Variants in CLSTN2 observed in about 807,000 individuals in gnomAD.
CLSTN2 encodes calsyntenin 2, also known as calsyntenin-2.
CLSTN2 carries 48 observed loss-of-function variants against 101.2 expected under a neutral mutation model. The ratio of observed to expected loss-of-function variants is 0.47; its 90% CI spans 0.38 to 0.60. The LOEUF (loss-of-function observed/expected upper bound fraction) is 0.60. Ranked by LOEUF, CLSTN2 falls within the 20% of genes least tolerant of loss-of-function variation. The probability of loss-of-function intolerance (pLI) is 0.00; values close to 1 mark genes in which losing one functional copy is unlikely to be tolerated. For missense variants in CLSTN2, 1,160 were observed against 1,238.2 expected (o/e 0.94, Z 0.95); for synonymous variants, 481 against 463.6 (o/e 1.04, Z -0.48).
chr3:140,472,183 T>G (rs952050575), intron 8 of CLSTN2, among the ~76,000 whole-genome samples: 3 of 152,156 alleles, frequency 2.0e-5, no homozygotes, highest in Admixed American at 6.5e-5. Context: ...GGTGGTGGTA[T>G]TCCTCCTTCT....
chr3:139,993,955 T>C (rs1022793400), intron 1 of CLSTN2, among the ~76,000 whole-genome samples: 1 of 152,200 alleles, frequency 6.6e-6, no homozygotes, highest in Non-Finnish European at 1.5e-5. Context: ...AGCTATTTTC[T>C]GGGAGCTGCC....
At chr3:140,210,209 G>T (rs772592611) in intron 2 of CLSTN2, among the ~76,000 whole-genome samples, 2 of 152,166 alleles carry the variant, frequency 1.3e-5, no homozygotes, top group Non-Finnish European at 2.9e-5. Flanking sequence ...CGCTGTTTGT[G>T]TTAGGGAAGG....
At chr3:140,211,742 C>T (rs1489603057) in intron 2 of CLSTN2, among the ~76,000 whole-genome samples, 1 of 151,842 alleles carries the variant, frequency 6.6e-6, no homozygotes, top group East Asian at 1.9e-4. Flanking sequence ...ATAACCCACC[C>T]CTTACCCTAT....
chr3:140,000,968 C>T (rs948261447), intron 1 of CLSTN2, among the ~76,000 whole-genome samples: 4 of 152,086 alleles, frequency 2.6e-5, no homozygotes, highest in Non-Finnish European at 4.4e-5. Flanking sequence ...AAAATGAAGG[C>T]GCTTGTTGGA....
At chr3:140,062,148 C>T (rs1332548539) in intron 1 of CLSTN2, among the ~76,000 whole-genome samples, 1 of 152,078 alleles carries the variant, frequency 6.6e-6, no homozygotes, top group East Asian at 1.9e-4. Flanking sequence ...GTGGTGGGTC[C>T]ATGCCGTAGA....
At chr3:140,247,742 T>C (rs2086529409) in intron 2 of CLSTN2, among the ~76,000 whole-genome samples, 1 of 152,108 alleles carries the variant, frequency 6.6e-6, no homozygotes, top group African/African-American at 2.4e-5. Context: ...GACACCTCCA[T>C]CCCTCACAGT....
At chr3:140,134,691 A>G (rs1224070097) in intron 1 of CLSTN2, among the ~76,000 whole-genome samples, 1 of 152,154 alleles carries the variant, frequency 6.6e-6, no homozygotes, top group African/African-American at 2.4e-5. Flanking sequence ...TCAACACAGC[A>G]TAGAGGCCAC....
At chr3:140,494,291 A>G (rs977337087) in intron 8 of CLSTN2, among the ~76,000 whole-genome samples, 1 of 152,194 alleles carries the variant, frequency 6.6e-6, no homozygotes, top group Non-Finnish European at 1.5e-5. Context: ...GCAAAAGTTT[A>G]TGACGTTCTC....
chr3:140,480,626 A>G (rs1934093733), intron 8 of CLSTN2, among the ~76,000 whole-genome samples: 1 of 152,156 alleles, frequency 6.6e-6, no homozygotes, highest in Non-Finnish European at 1.5e-5. Flanking sequence ...TGACTTTTTA[A>G]TGATCACCAT....
intron 8 of CLSTN2, among the ~76,000 whole-genome samples, chr3:140,478,347 A>C (rs2107750086): frequency 6.6e-6 from 1 of 152,262 alleles, no homozygotes; most frequent in South Asian, 2.1e-4. Context: ...AAAAAAAAAA[A>C]AAAAGCTGTC....
chr3:140,496,830 C>T (rs1234101445), intron 8 of CLSTN2, among the ~76,000 whole-genome samples: 4 of 152,008 alleles, frequency 2.6e-5, no homozygotes, highest in African/African-American at 7.2e-5. Flanking sequence ...TAGCCGGGCG[C>T]GGTGGCTCAC....
chr3:140,404,526 C>G (rs750132688), intron 3 of CLSTN2, 32 bp from the exon 4 acceptor site: 1 of 1,603,638 alleles, frequency 6.2e-7, no homozygotes, highest in South Asian at 1.1e-5. Flanking sequence ...CTTTCTTTAC[C>G]ACCATCCCTT....
chr3:140,252,522 C>T (rs1466220025), intron 2 of CLSTN2, among the ~76,000 whole-genome samples: 3 of 151,678 alleles, frequency 2.0e-5, no homozygotes, highest in South Asian at 2.1e-4. Flanking sequence ...AGATGAAAAA[C>T]ACAGCCAGAA....
At chr3:140,016,651 T>C (rs2007207412) in intron 1 of CLSTN2, among the ~76,000 whole-genome samples, 1 of 151,644 alleles carries the variant, frequency 6.6e-6, no homozygotes, top group African/African-American at 2.4e-5. Flanking sequence ...ATACAAAAAT[T>C]AGCTGGGTGT....
intron 1 of CLSTN2, among the ~76,000 whole-genome samples, chr3:140,075,780 GCA>G (rs1266528696): frequency 1.3e-5 from 2 of 152,040 alleles, no homozygotes; most frequent in Non-Finnish European, 2.9e-5. Flanking sequence ...TCTCCGCATG[GCA>G]CAGTCACTGG....
intron 10 of CLSTN2, among the ~76,000 whole-genome samples, chr3:140,552,066 T>C (rs1269081850): frequency 6.6e-6 from 1 of 152,018 alleles, no homozygotes; most frequent in Non-Finnish European, 1.5e-5. Context: ...AGGGTTCCTA[T>C]CAAGTCATAG....
intron 6 of CLSTN2, chr3:140,452,778 C>G (rs1220829286): frequency 6.6e-6 from 1 of 151,910 alleles, no homozygotes; most frequent in Admixed American, 6.5e-5. Flanking sequence ...CTGCTTTGTA[C>G]AAAAAAAATG....
intron 2 of CLSTN2, among the ~76,000 whole-genome samples, chr3:140,311,128 A>T (rs1381030178): frequency 6.6e-6 from 1 of 152,104 alleles, no homozygotes; most frequent in Non-Finnish European, 1.5e-5. Context: ...CTATTTTAAA[A>T]ATAGTAAGAG....
At chr3:140,299,317 A>T (rs2087031651) in intron 2 of CLSTN2, among the ~76,000 whole-genome samples, 2 of 152,154 alleles carry the variant, frequency 1.3e-5, no homozygotes. Context: ...AACCAAACCT[A>T]TAGGAATCCT....
Sources: allele counts gnomAD v4.1 joint callset (sites outside exome capture counted in the v4.1 genomes callset), GRCh38; gene constraint gnomAD v4.1.1; transcripts MANE v1.5; gene names NCBI Gene and HGNC (gene_info 2026-07-23, HGNC 2026-07-21).